The following MAGI3 variants were observed in gnomAD, a reference collection of about 807,000 sequenced individuals.
MAGI3 encodes membrane associated guanylate kinase, WW and PDZ domain containing 3, also known as membrane-associated guanylate kinase, WW and PDZ domain-containing protein 3.
MAGI3 carries 43 observed loss-of-function variants against 121.8 expected under a neutral mutation model. The observed-to-expected ratio is 0.35, with a 90% CI of 0.28 to 0.46. The LOEUF (loss-of-function observed/expected upper bound fraction) is 0.46. MAGI3 is among the 20% of genes least tolerant of loss of function. MAGI3 has a pLI of 1.00. For missense variants in MAGI3, 1,547 were observed against 1,797.3 expected (o/e 0.86, Z 2.52); for synonymous variants, 553 against 639.3 (o/e 0.86, Z 2.04).
At chr1:113,438,489 C>T (rs770546182) in intron 1 of MAGI3, among the ~76,000 whole-genome samples, 52 of 152,250 alleles carry the variant, frequency 3.4e-4, no homozygotes, top group Non-Finnish European at 5.9e-4. Flanking sequence ...TTGCTATAAA[C>T]GAATACCTGA....
intron 1 of MAGI3, among the ~76,000 whole-genome samples, chr1:113,506,504 C>T (rs1029089036): frequency 4.0e-5 from 6 of 151,564 alleles, no homozygotes; most frequent in African/African-American, 1.5e-4. Flanking sequence ...CAATGTCGTT[C>T]TGTTGTAATG....
At chr1:113,640,932 TC>T (rs1241385188) in intron 9 of MAGI3, among the ~76,000 whole-genome samples, 13 of 62,292 alleles carry the variant, frequency 2.1e-4, no homozygotes, top group Non-Finnish European at 3.5e-4. Context: ...ATTTTATATA[TC>T]ATATATATAA....
intron 1 of MAGI3, among the ~76,000 whole-genome samples, chr1:113,496,745 G>C (rs1367224172): frequency 6.6e-6 from 1 of 152,020 alleles, no homozygotes; most frequent in African/African-American, 2.4e-5. Flanking sequence ...CAGAATTTTT[G>C]CTCAGTTTTG....
intron 1 of MAGI3, among the ~76,000 whole-genome samples, chr1:113,444,531 C>T (rs1654075184): frequency 6.6e-6 from 1 of 152,118 alleles, no homozygotes; most frequent in Admixed American, 6.6e-5. Context: ...CTGGGAAAAC[C>T]TTAAGTTTAC....
intron 1 of MAGI3, among the ~76,000 whole-genome samples, chr1:113,437,864 C>CTTCTTCTTCT (rs1557757106): frequency 2.7e-4 from 15 of 55,990 alleles, no homozygotes; most frequent in East Asian, 7.0e-4. Context: ...CTTCTTCTTC[C>CTTCTTCTTCT]TCTTCTTCTT....
At chr1:113,469,045 C>T (rs1381362550) in intron 1 of MAGI3, among the ~76,000 whole-genome samples, 2 of 152,086 alleles carry the variant, frequency 1.3e-5, no homozygotes, top group East Asian at 1.9e-4. Context: ...TAGATACATA[C>T]ATAAACACAC....
chr1:113,590,647 C>T lies in MAGI3; in HGVS notation c.927C>T (p.Ile309=), dbSNP rs1324894824. 3 of 1,613,226 alleles carry T rather than the reference C, an allele frequency of 1.9e-6. No homozygotes were observed. The highest frequency in any genetic ancestry group is 1.7e-5 in the Admixed American group (1 of 59,886). ...WEMAYTDTGM[I]YFIDHNTKTT... is the part of the protein sequence containing the mutation. ...TGGCCTACACTGACACAGGGATGAT[C>T]TACTTCATTGAGTAAGCAAATGTCT... Residue 309 remains isoleucine, a synonymous_variant, in exon 5 of 21, where the codon ATC becomes ATT. Transcript: ENST00000307546.
At chr1:113,458,917 CT>C (rs1235069965) in intron 1 of MAGI3, among the ~76,000 whole-genome samples, 1 of 152,088 alleles carries the variant, frequency 6.6e-6, no homozygotes, top group African/African-American at 2.4e-5. Context: ...TTATTAGAAA[CT>C]TTAATAAGAA....
chr1:113,569,314 T>C (rs1283678057), intron 2 of MAGI3, among the ~76,000 whole-genome samples: 1 of 152,164 alleles, frequency 6.6e-6, no homozygotes, highest in Non-Finnish European at 1.5e-5. Context: ...ATTTGCCCTA[T>C]CTTCATTATT....
Position 113,474,334 on chromosome 1 carries a change from T to C in MAGI3, c.317-75181T>C, listed in dbSNP as rs143989559. The stretch of plus-strand genomic sequence containing the variant: ...TTTGATGTTTTAGTCATGAAGTCCT[T>C]ACCCATGCTTATGTTATGAATGGTA... On this transcript the variant is annotated intron_variant, in intron 1 of 20. Coordinates refer to ENST00000307546, the MANE Select transcript of MAGI3 (RefSeq NM_001142782.2). 1.2e-4 allele frequency among the ~76,000 whole-genome samples: 18 copies of C among 152,348 alleles called. No individual in the cohort carries two copies. In the East Asian group the frequency reaches 3.5e-3, roughly 29 times the overall value.
chr1:113,598,446 C>A lies in MAGI3; in HGVS notation c.1018+3886C>A, dbSNP rs576513272. ...CTGTCTTCAAGAGATTCATCTAACACATAAGGATTCCTATAGACTCAACGT... is the reference window on the plus strand; with the variant it reads ...CTGTCTTCAAGAGATTCATCTAACAAATAAGGATTCCTATAGACTCAACGT... On this transcript the variant is annotated intron_variant, in intron 6 of 20. Coordinates refer to ENST00000307546, the MANE Select transcript of MAGI3 (RefSeq NM_001142782.2). Among the ~76,000 whole-genome samples the A allele has an allele frequency of 1.1e-4, 16 of 152,138 alleles. No homozygotes were observed. In the East Asian group the frequency reaches 2.7e-3, roughly 26 times the overall value.
intron 1 of MAGI3, among the ~76,000 whole-genome samples, chr1:113,480,532 A>G (rs1656059680): frequency 6.6e-6 from 1 of 152,208 alleles, no homozygotes; most frequent in African/African-American, 2.4e-5. Flanking sequence ...GCCTGGGGCT[A>G]TAGACATTGA....
chr1:113,416,372 A>C (rs1427564164), intron 1 of MAGI3, among the ~76,000 whole-genome samples: 1 of 118,340 alleles, frequency 8.5e-6, no homozygotes, highest in Non-Finnish European at 1.7e-5. Flanking sequence ...ATATTATATT[A>C]ATATATTAAT....
intron 1 of MAGI3, among the ~76,000 whole-genome samples, chr1:113,445,825 T>G (rs1242143959): frequency 6.6e-6 from 1 of 152,170 alleles, no homozygotes; most frequent in Non-Finnish European, 1.5e-5. Context: ...GAGGGATAAA[T>G]TAAGACATTC....
At chr1:113,460,797 A>C (rs1463602799) in intron 1 of MAGI3, among the ~76,000 whole-genome samples, 1 of 151,730 alleles carries the variant, frequency 6.6e-6, no homozygotes, top group African/African-American at 2.4e-5. Flanking sequence ...TGACAGAGCG[A>C]GACTCCATCT....
At chr1:113,588,239 C>T (rs992554103) in intron 4 of MAGI3, among the ~76,000 whole-genome samples, 2 of 152,128 alleles carry the variant, frequency 1.3e-5, no homozygotes, top group African/African-American at 4.8e-5. Flanking sequence ...GGGAGAAGAG[C>T]ATTCTAGACA....
chr1:113,507,191 T>A (rs187411933), intron 1 of MAGI3, among the ~76,000 whole-genome samples: 1 of 152,222 alleles, frequency 6.6e-6, no homozygotes, highest in East Asian at 1.9e-4. Context: ...AATTAAACTA[T>A]CTCTTGGAAA....
intron 1 of MAGI3, among the ~76,000 whole-genome samples, chr1:113,434,619 CTA>C (rs1653471229): frequency 1.3e-5 from 2 of 152,144 alleles, no homozygotes; most frequent in Admixed American, 1.3e-4. Flanking sequence ...CTGTGCCTCT[CTA>C]TGTTTTATAA....
chr1:113,595,740 G>A (rs1229079679), intron 6 of MAGI3, among the ~76,000 whole-genome samples: 1 of 152,166 alleles, frequency 6.6e-6, no homozygotes, highest in African/African-American at 2.4e-5. Flanking sequence ...GACATAGGAA[G>A]ACTTAAAATA....
Sources: gnomAD v4.1 joint callset for allele counts (sites outside exome capture counted in the v4.1 genomes callset) on GRCh38, gnomAD v4.1.1 for gene constraint, MANE v1.5 for transcripts, NCBI Gene and HGNC (gene_info 2026-07-23, HGNC 2026-07-21) for gene names.